Variants in PARP8 observed in about 807,000 individuals in gnomAD.
PARP8 encodes the protein protein mono-ADP-ribosyltransferase PARP8.
PARP8 carries 51 observed loss-of-function variants against 124.1 expected under a neutral mutation model. That is an observed-to-expected ratio of 0.41 (90% confidence interval 0.33 to 0.52). The LOEUF is 0.52. Among genes scored for constraint, PARP8 ranks in the 20% least tolerant of loss-of-function variants. The pLI is 0.21. For synonymous variants in PARP8, 391 were observed against 361.5 expected (o/e 1.08, Z -0.93); for missense variants, 860 against 1,018.9 (o/e 0.84, Z 2.12).
At chr5:50,700,043 A>G (rs73101007) in intron 2 of PARP8, among the ~76,000 whole-genome samples, 2,755 of 152,232 alleles carry the variant, frequency 0.018, 86 homozygotes, top group African/African-American at 0.064. Context: ...TCCATTTTTA[A>G]AAGTCCAAAT....
At chr5:50,687,430 T>C (rs1426041302) in intron 2 of PARP8, among the ~76,000 whole-genome samples, 1 of 152,168 alleles carries the variant, frequency 6.6e-6, no homozygotes, top group Admixed American at 6.5e-5. Flanking sequence ...TTCCCACATT[T>C]TTCTGTCTTC....
chr5:50,812,363 A>G (rs1023631684), intron 14 of PARP8, among the ~76,000 whole-genome samples: 4 of 151,950 alleles, frequency 2.6e-5, no homozygotes, highest in Admixed American at 2.0e-4. Flanking sequence ...GCATTTTTTC[A>G]TGTGTCTGTT....
intron 2 of PARP8, among the ~76,000 whole-genome samples, chr5:50,723,252 G>A (rs1489979955): frequency 2.0e-5 from 3 of 152,100 alleles, no homozygotes; most frequent in African/African-American, 7.2e-5. Flanking sequence ...ACTCACTCCA[G>A]AATTCTAGAG....
intron 10 of PARP8, among the ~76,000 whole-genome samples, chr5:50,790,007 C>T (rs183588012): frequency 9.2e-5 from 14 of 152,066 alleles, no homozygotes; most frequent in South Asian, 2.1e-4. Context: ...GGATTTTGTA[C>T]GTATTACAGA....
At chr5:50,738,618 C>T (rs746371752) in intron 2 of PARP8, among the ~76,000 whole-genome samples, 1 of 151,124 alleles carries the variant, frequency 6.6e-6, no homozygotes, top group Non-Finnish European at 1.5e-5. Context: ...TTGGCTTAAA[C>T]CAATGGTGTC....
At position 50,763,324 on chromosome 5, in the gene PARP8, A is replaced by C. The variant is rs960492911; in HGVS notation, c.518+82A>C. ...TACTTTTGGAGTAATTTAAAGGAAA[A>C]ATTTGGGGTTTTAATTGTATTTTAA... On this transcript the variant is annotated intron_variant, in intron 7 of 25. Coordinates refer to ENST00000281631, the MANE Select transcript of PARP8 (RefSeq NM_024615.4). 25 of 1,094,964 alleles carry C rather than the reference A, an allele frequency of 2.3e-5. No individual in the cohort carries two copies. The African/African-American group carries it at 3.3e-4, about 14-fold the overall frequency. 67.8% of individuals were successfully genotyped at this position (1,094,964 alleles called of 1,614,324 possible). A position where few individuals can be genotyped will look rare whatever the true frequency, so the allele number is the denominator to read the frequency against.
intron 7 of PARP8, among the ~76,000 whole-genome samples, chr5:50,769,449 G>T (rs996824639): frequency 7.2e-5 from 11 of 151,936 alleles, no homozygotes; most frequent in Non-Finnish European, 1.5e-5. Context: ...TAACCTGGCT[G>T]GTGTAATTAT....
chr5:50,711,705 A>G (rs1754786366), intron 2 of PARP8, among the ~76,000 whole-genome samples: 1 of 152,048 alleles, frequency 6.6e-6, no homozygotes, highest in African/African-American at 2.4e-5. Flanking sequence ...CCTCCTGCCC[A>G]TAATCCAACA....
At chr5:50,710,154 A>G (rs1050319785) in intron 2 of PARP8, among the ~76,000 whole-genome samples, 1 of 151,686 alleles carries the variant, frequency 6.6e-6, no homozygotes, top group African/African-American at 2.4e-5. Context: ...CTTTCATTTT[A>G]TTACATCTTT....
chr5:50,740,928 G>A (rs1001740155), intron 2 of PARP8, among the ~76,000 whole-genome samples: 2 of 151,830 alleles, frequency 1.3e-5, no homozygotes, highest in African/African-American at 2.4e-5. Context: ...TCATACTATC[G>A]AAGTTCTTTC....
At chr5:50,794,165 T>C (rs765351298) in intron 10 of PARP8, 42 bp from the exon 11 acceptor site, 1 of 1,572,426 alleles carries the variant, frequency 6.4e-7, no homozygotes, top group East Asian at 2.3e-5. Flanking sequence ...TAATTGAAAT[T>C]GCCTTGGAAT....
chr5:50,822,492 A>G (rs1369424173), intron 17 of PARP8, 92 bp downstream of exon 17: 3 of 983,324 alleles, frequency 3.1e-6, no homozygotes, highest in African/African-American at 1.6e-5. Flanking sequence ...TATAATACAT[A>G]TCATTTAAAA....
intron 10 of PARP8, among the ~76,000 whole-genome samples, chr5:50,791,995 G>T (rs1002711409): frequency 1.3e-5 from 2 of 152,086 alleles, no homozygotes; most frequent in African/African-American, 2.4e-5. Context: ...ATAGTTTTTT[G>T]AAATCAACAT....
chr5:50,688,505 G>A (rs531875352), intron 2 of PARP8, among the ~76,000 whole-genome samples: 1 of 152,268 alleles, frequency 6.6e-6, no homozygotes, highest in South Asian at 2.1e-4. Flanking sequence ...TGCATGTGGT[G>A]GGGATAATGA....
intron 3 of PARP8, among the ~76,000 whole-genome samples, chr5:50,754,150 T>TATATATATATATATACAC (rs1312947286): frequency 5.4e-5 from 2 of 37,224 alleles, no homozygotes; most frequent in African/African-American, 2.4e-4. Flanking sequence ...TATATATATA[T>TATATATATATATATACAC]ACACACACAC....
chr5:50,810,305 A>G (rs1334778233), intron 14 of PARP8, among the ~76,000 whole-genome samples: 1 of 152,008 alleles, frequency 6.6e-6, no homozygotes, highest in Non-Finnish European at 1.5e-5. Context: ...CTTTTTGTGA[A>G]CTCAGAATGA....
chr5:50,729,327 C>T (rs1021118806), intron 2 of PARP8, among the ~76,000 whole-genome samples: 1 of 151,822 alleles, frequency 6.6e-6, no homozygotes, highest in Non-Finnish European at 1.5e-5. Flanking sequence ...TTTTTTTTCA[C>T]ACTTGGCTAT....
chr5:50,716,286 T>G (rs1298365553), intron 2 of PARP8, among the ~76,000 whole-genome samples: 1 of 152,112 alleles, frequency 6.6e-6, no homozygotes, highest in Non-Finnish European at 1.5e-5. Context: ...GTAGTTCTGA[T>G]TATCAGAGAA....
chr5:50,711,149 C>G (rs879716729), intron 2 of PARP8, among the ~76,000 whole-genome samples: 3 of 152,146 alleles, frequency 2.0e-5, no homozygotes, highest in African/African-American at 7.2e-5. Context: ...TTTCCTCTCT[C>G]GTTTTACCTC....
Sources: gnomAD v4.1 joint callset for allele counts (sites outside exome capture counted in the v4.1 genomes callset) on GRCh38, gnomAD v4.1.1 for gene constraint, MANE v1.5 for transcripts, NCBI Gene and HGNC (gene_info 2026-07-23, HGNC 2026-07-21) for gene names.